The following RBM33 variants were observed in gnomAD, a reference collection of about 807,000 sequenced individuals.
RBM33 encodes RNA binding motif protein 33.
A neutral mutation model predicts 132.6 loss-of-function variants in RBM33; 28 were observed. The ratio of observed to expected loss-of-function variants is 0.21; its 90% CI spans 0.16 to 0.29. The LOEUF is 0.29. RBM33 is among the 10% of genes least tolerant of loss of function. The pLI, the probability that RBM33 is intolerant of heterozygous loss-of-function variation, is 1.00. For synonymous variants in RBM33, 634 were observed against 593.0 expected, an observed-to-expected ratio of 1.07 and a Z score of -1.01; for missense variants, 1,291 against 1,518.5, an observed-to-expected ratio of 0.85 and a Z score of 2.49.
At chr7:155,773,439 G>T (rs565622294) in intron 16 of RBM33, among the ~76,000 whole-genome samples, 7 of 151,954 alleles carry the variant, frequency 4.6e-5, no homozygotes, top group African/African-American at 1.4e-4. Context: ...GTGGTGATGG[G>T]TGCCTATAAT....
At chr7:155,673,648 GTA>G (rs200722899) in intron 3 of RBM33, among the ~76,000 whole-genome samples, 1 of 14,344 alleles carries the variant, frequency 7.0e-5, no homozygotes, top group East Asian at 2.2e-3. Flanking sequence ...ATACACACGT[GTA>G]TATATACACA....
At chr7:155,680,389 C>G (rs1442672482) in intron 4 of RBM33, among the ~76,000 whole-genome samples, 1 of 152,234 alleles carries the variant, frequency 6.6e-6, no homozygotes, top group Non-Finnish European at 1.5e-5. Context: ...ACAGTTAGCT[C>G]TGCTGTACGC....
At position 155,739,971 on chromosome 7, in the gene RBM33, A is replaced by G. The variant is rs770614810; in HGVS notation, c.1994A>G (p.Gln665Arg). Residue 665 changes from glutamine (Q) to arginine (R), a missense_variant, in exon 12 of 18, where the codon CAG becomes CGG. Physicochemically the swap from Gln to Arg is conservative, Grantham distance 43 (BLOSUM62 1). This residue lies in a region of RBM33 where 841 missense variants were observed against 912.0 expected (regional missense o/e 0.92). Transcript: ENST00000401878. ...TTCCGGCCTCACGTACAGACCGCTC[A>G]GCCTCAGGCCAGCAGCAGCCGGATG... The part of the protein sequence containing the change: ...PQFRPHVQTA[Q>R]PQASSSRMQC... 1.9e-6 allele frequency: 3 copies of G among 1,566,250 alleles called. No individual in the cohort carries two copies. The highest frequency in any genetic ancestry group is 2.4e-5 in the East Asian group (1 of 42,446).
intron 9 of RBM33, among the ~76,000 whole-genome samples, 178 bp downstream of exon 9, chr7:155,718,621 G>A (rs1170011467): frequency 1.3e-5 from 2 of 152,218 alleles, no homozygotes; most frequent in African/African-American, 4.8e-5. Context: ...GGATTTTTGA[G>A]AGTAGAATTA....
chr7:155,777,798 C>T lies in RBM33; in HGVS notation c.*2757C>T, dbSNP rs1218080338. 6.6e-6 allele frequency: 1 copy of T among 152,536 alleles called. No individual in the cohort carries two copies. The highest frequency in any genetic ancestry group is 1.5e-5 in the Non-Finnish European group (1 of 68,034). 9.4% of individuals were successfully genotyped at this position (152,536 alleles called of 1,614,324 possible). ...TTGTTGATGTGTTTGTGTGTATATT[C>T]GATTTTTATAAAGATGGTAGTAAGT... On this transcript the variant is annotated 3_prime_UTR_variant, in exon 18 of 18. Transcript: ENST00000401878.
intron 5 of RBM33, among the ~76,000 whole-genome samples, chr7:155,698,062 A>G (rs1202429052): frequency 1.3e-5 from 2 of 152,152 alleles, no homozygotes; most frequent in Non-Finnish European, 2.9e-5. Flanking sequence ...CATGCTAGGT[A>G]ATATTTGTTA....
intron 1 of RBM33, among the ~76,000 whole-genome samples, chr7:155,652,574 G>C (rs1798385580): frequency 6.6e-6 from 1 of 152,228 alleles, no homozygotes; most frequent in South Asian, 2.1e-4. Context: ...TGTGTTAACT[G>C]TAGATGTCTG....
intron 5 of RBM33, among the ~76,000 whole-genome samples, chr7:155,688,496 A>G (rs999836721): frequency 3.3e-5 from 5 of 152,242 alleles, no homozygotes; most frequent in Non-Finnish European, 7.3e-5. Flanking sequence ...TGCCCTGGCC[A>G]GAATCTCAAA....
At chr7:155,718,205 C>G (rs1276321788) in intron 8 of RBM33, among the ~76,000 whole-genome samples, 180 bp from the exon 9 acceptor site, 6 of 152,142 alleles carry the variant, frequency 3.9e-5, no homozygotes, top group Non-Finnish European at 7.4e-5. Context: ...GAAACTTCTG[C>G]TTTCCCCTTT....
intron 9 of RBM33, 41 bp downstream of exon 9, chr7:155,718,484 A>T: frequency 6.6e-7 from 1 of 1,514,502 alleles, no homozygotes; most frequent in South Asian, 1.1e-5. Context: ...AGGGATGAGC[A>T]TACATTTACT....
At chr7:155,761,229 AT>A (rs1372058338) in intron 14 of RBM33, among the ~76,000 whole-genome samples, 3 of 151,194 alleles carry the variant, frequency 2.0e-5, no homozygotes, top group East Asian at 3.9e-4. Flanking sequence ...TCTGTTGGGG[AT>A]TTTTTTTCAT....
intron 9 of RBM33, among the ~76,000 whole-genome samples, chr7:155,730,026 T>A (rs191321456): frequency 6.6e-6 from 1 of 152,320 alleles, no homozygotes; most frequent in East Asian, 1.9e-4. Context: ...TACTTCCAGG[T>A]TGAGAATGTG....
chr7:155,738,469 G>A (rs1801204838), intron 11 of RBM33, 66 bp downstream of exon 11: 2 of 1,422,734 alleles, frequency 1.4e-6, no homozygotes, highest in South Asian at 1.4e-5. Context: ...GTTCCATAAA[G>A]TTTCAGATTT....
chr7:155,719,881 T>C (rs1800570066), intron 9 of RBM33, among the ~76,000 whole-genome samples: 1 of 152,242 alleles, frequency 6.6e-6, no homozygotes, highest in South Asian at 2.1e-4. Context: ...ATGTAATTTA[T>C]ATTTTTGTAA....
chr7:155,746,294 G>C (rs1801514680), intron 14 of RBM33: 1 of 152,172 alleles, frequency 6.6e-6, no homozygotes, highest in Non-Finnish European at 1.5e-5. Flanking sequence ...GGCAGTGCAG[G>C]TGTGTGTCTA....
At chr7:155,684,033 G>C (rs956102287) in intron 5 of RBM33, among the ~76,000 whole-genome samples, 1 of 152,134 alleles carries the variant, frequency 6.6e-6, no homozygotes, top group Admixed American at 6.5e-5. Context: ...ATTCTGATAG[G>C]ACGCTAACAG....
At chr7:155,765,582 G>T (rs192257025) in intron 15 of RBM33, among the ~76,000 whole-genome samples, 1 of 152,036 alleles carries the variant, frequency 6.6e-6, no homozygotes, top group Non-Finnish European at 1.5e-5. Flanking sequence ...CATTCTGCCC[G>T]AACTCCCCAA....
chr7:155,676,705 G>A (rs1416892156), intron 3 of RBM33, among the ~76,000 whole-genome samples: 1 of 152,184 alleles, frequency 6.6e-6, no homozygotes, highest in East Asian at 1.9e-4. Flanking sequence ...CCTGGAGCCC[G>A]AGAAAACTGT....
rs1283258708 is a variant in RBM33 at position 155,780,207 on chromosome 7, C to CT, written c.*5170dup. On this transcript the variant is annotated 3_prime_UTR_variant, in exon 18 of 18. Transcript: ENST00000401878. ...GTTCTAGCTGTATGCGTTCTGTAGT[C>CT]TTTTCTTAGGTGGGTAACATTTTCA... 1.3e-5 allele frequency: 2 copies of CT among 152,206 alleles called. No homozygotes were observed. Among genetic ancestry groups the CT allele is most frequent in the Non-Finnish European group, 2.9e-5 (2 of 68,050 alleles). 9.4% of individuals were successfully genotyped at this position (152,206 alleles called of 1,614,324 possible). A position where few individuals can be genotyped will look rare whatever the true frequency, so the allele number is the denominator to read the frequency against.
Sources: gnomAD v4.1 joint callset for allele counts (sites outside exome capture counted in the v4.1 genomes callset) on GRCh38, gnomAD v4.1.1 for gene constraint, gnomAD v4.1.1 regional missense constraint, MANE v1.5 for transcripts, NCBI Gene and HGNC (gene_info 2026-07-23, HGNC 2026-07-21) for gene names.